Variants in INTS7 observed in about 807,000 individuals in gnomAD.
The protein encoded by INTS7 is integrator complex subunit 7.
In INTS7, 46 loss-of-function variants were observed where a neutral mutation model predicts 109.2. The ratio of observed to expected loss-of-function variants is 0.42; its 90% CI spans 0.33 to 0.54. INTS7 has a LOEUF of 0.54. Ranked by LOEUF, INTS7 falls within the 20% of genes least tolerant of loss-of-function variation. The pLI, the probability that INTS7 is intolerant of heterozygous loss-of-function variation, is 0.07. For synonymous variants in INTS7, 412 were observed against 402.9 expected (o/e 1.02, Z -0.27); for missense variants, 929 against 1,132.4 (o/e 0.82, Z 2.58).
chr1:211,946,716 AAAG>A lies in INTS7; in HGVS notation c.2317-14_2317-12del. The A allele has an allele frequency of 6.4e-7, 1 of 1,572,484 alleles. No homozygotes were observed. The highest frequency in any genetic ancestry group is 1.4e-5 in the African/African-American group (1 of 73,458). On this transcript the variant is annotated splice_polypyrimidine_tract_variant and intron_variant, in intron 17 of 19. Transcript: ENST00000366994. This position sits in a 1 kb window ranked among gnomAD's most constrained non-coding sequence, Gnocchi z 4.3. ...GAGGCATGCTGTGTGCTGGGGGAAAAAAGAAACTAAATCAAATAAAAATAAATT... is the reference window on the plus strand; with the variant it reads ...GAGGCATGCTGTGTGCTGGGGGAAAAAAACTAAATCAAATAAAAATAAATT...
chr1:212,033,109 C>A (rs1667244796), intron 1 of INTS7, among the ~76,000 whole-genome samples: 1 of 152,112 alleles, frequency 6.6e-6, no homozygotes, highest in Non-Finnish European at 1.5e-5. Flanking sequence ...TAGTACAAAG[C>A]CCGATCAAAT....
At chr1:211,970,364 T>G (rs1558032399) in intron 13 of INTS7, among the ~76,000 whole-genome samples, 2 of 152,228 alleles carry the variant, frequency 1.3e-5, no homozygotes, top group Non-Finnish European at 2.9e-5. Flanking sequence ...ACTAAAAATG[T>G]GCTAATTTAA....
chr1:212,022,527 G>A (rs899967221), intron 1 of INTS7, among the ~76,000 whole-genome samples: 4 of 152,138 alleles, frequency 2.6e-5, no homozygotes, highest in African/African-American at 9.7e-5. Context: ...GCAAATATAA[G>A]CACATGAACA....
rs1342115199 is a variant in INTS7, at chr1:211,946,256, G to A, written c.2415+351C>T. Among the ~76,000 whole-genome samples, 1 of 152,222 alleles carries A rather than the reference G, an allele frequency of 6.6e-6. No individual in the cohort carries two copies. Among genetic ancestry groups the A allele is most frequent in the Non-Finnish European group, 1.5e-5 (1 of 68,042 alleles). On this transcript the variant is annotated intron_variant, in intron 18 of 19. Transcript: ENST00000366994. The surrounding 1 kb of genome is among the most constrained non-coding windows in gnomAD (Gnocchi z 4.3). ...CCAGCACTTTGGGAGGCAGAGGTGGGTGGATCACTTGAGGTCAGGAGTTCC... is the reference window on the plus strand; with the variant it reads ...CCAGCACTTTGGGAGGCAGAGGTGGATGGATCACTTGAGGTCAGGAGTTCC...
intron 15 of INTS7, among the ~76,000 whole-genome samples, chr1:211,967,404 A>ATCATGCCAC (rs1663937468): frequency 6.8e-6 from 1 of 147,356 alleles, no homozygotes. Flanking sequence ...GTGAGCCAAG[A>ATCATGCCAC]TCATGCCACT....
chr1:211,962,297 A>T (rs1249950429), intron 16 of INTS7, among the ~76,000 whole-genome samples: 1 of 151,642 alleles, frequency 6.6e-6, no homozygotes, highest in Non-Finnish European at 1.5e-5. Flanking sequence ...AGGGTATTAC[A>T]TAATGGTAAA....
chr1:211,993,265 CAA>C (rs1433295598), intron 7 of INTS7, among the ~76,000 whole-genome samples: 3 of 152,206 alleles, frequency 2.0e-5, no homozygotes, highest in Non-Finnish European at 1.5e-5. Flanking sequence ...AGGTAAGGTA[CAA>C]ATTAGAAGCT....
intron 13 of INTS7, among the ~76,000 whole-genome samples, chr1:211,969,771 T>C (rs1431523675): frequency 6.7e-6 from 1 of 149,812 alleles, no homozygotes; most frequent in Non-Finnish European, 1.5e-5. Context: ...CAAGCTGGAG[T>C]GCAATGGCAC....
chr1:211,964,374 TTG>T (rs1243070172), intron 16 of INTS7, among the ~76,000 whole-genome samples: 4 of 152,162 alleles, frequency 2.6e-5, no homozygotes, highest in Non-Finnish European at 5.9e-5. Context: ...GAAATCAATA[TTG>T]TTAAAATGGC....
chr1:211,948,513 C>A (rs1662939923), intron 17 of INTS7, among the ~76,000 whole-genome samples: 1 of 152,128 alleles, frequency 6.6e-6, no homozygotes, highest in Non-Finnish European at 1.5e-5. Context: ...CAGAAAGTCA[C>A]CATTTTGCCT....
chr1:211,997,113 G>A (rs1489523958), intron 7 of INTS7, among the ~76,000 whole-genome samples: 1 of 151,864 alleles, frequency 6.6e-6, no homozygotes, highest in Non-Finnish European at 1.5e-5. Flanking sequence ...TTGGGTCATG[G>A]GTACACCAAA....
intron 1 of INTS7, among the ~76,000 whole-genome samples, chr1:212,032,354 T>C (rs1460051467): frequency 1.3e-5 from 2 of 152,182 alleles, no homozygotes. Context: ...CTGATACTTT[T>C]CAAAGGAAAG....
chr1:212,016,742 T>C (rs1428415163), intron 4 of INTS7, 144 bp downstream of exon 4: 1 of 624,866 alleles, frequency 1.6e-6, no homozygotes, highest in African/African-American at 2.0e-5. Context: ...TTCCCCAACA[T>C]AAGGTAAACC....
chr1:211,988,423 A>G (rs1040075375), intron 7 of INTS7, among the ~76,000 whole-genome samples: 2 of 148,902 alleles, frequency 1.3e-5, no homozygotes, highest in Non-Finnish European at 3.0e-5. Flanking sequence ...CCCTGTCTCA[A>G]AAAAAAAAAA....
chr1:211,984,725 G>A (rs1018889006), intron 8 of INTS7, among the ~76,000 whole-genome samples: 2 of 152,106 alleles, frequency 1.3e-5, no homozygotes, highest in African/African-American at 4.8e-5. Context: ...AATGTTATCA[G>A]CTTCTTGTGT....
chr1:211,969,178 G>C (rs1045105160), intron 13 of INTS7, among the ~76,000 whole-genome samples: 1 of 151,272 alleles, frequency 6.6e-6, no homozygotes, highest in Non-Finnish European at 1.5e-5. Context: ...CCAGCTACTC[G>C]GGAGGCTGAG....
chr1:212,007,362 C>T lies in INTS7; in HGVS notation c.644G>A (p.Arg215His), dbSNP rs745906116. 8.1e-6 allele frequency: 13 copies of T among 1,613,588 alleles called. No homozygotes were observed. The highest frequency in any genetic ancestry group is 6.7e-5 in the East Asian group (3 of 44,892). The part of the protein sequence containing the change: ...HHDAILASSA[R>H]QLLQQLVTSY... ...TGTGACCAGCTGTTGTAAAAGCTGA[C>T]GAGCACTGGAAGCCAAGATTGCATC... Residue 215 changes from arginine to histidine, a missense_variant, in exon 6 of 20, where the codon CGT becomes CAT. Coordinates refer to ENST00000366994, the MANE Select transcript of INTS7 (RefSeq NM_015434.4).
At chr1:212,022,522 TA>T (rs144557207) in intron 1 of INTS7, among the ~76,000 whole-genome samples, 10,438 of 152,178 alleles carry the variant, frequency 0.069, 446 homozygotes, top group Admixed American at 0.14. Flanking sequence ...GTATGGCAAA[TA>T]TAAGCACATG....
At chr1:211,993,873 T>C (rs896048730) in intron 7 of INTS7, among the ~76,000 whole-genome samples, 5 of 152,172 alleles carry the variant, frequency 3.3e-5, no homozygotes, top group African/African-American at 1.2e-4. Flanking sequence ...TACTTGGACC[T>C]TGATTTAGGC....
Sources: gnomAD v4.1 joint callset for allele counts (sites outside exome capture counted in the v4.1 genomes callset) on GRCh38, gnomAD v4.1.1 for gene constraint, Gnocchi (gnomAD v3.1) non-coding constraint, MANE v1.5 for transcripts, NCBI Gene and HGNC (gene_info 2026-07-23, HGNC 2026-07-21) for gene names.